Variants in WNT2B observed in about 807,000 individuals in gnomAD.
WNT2B encodes the protein protein Wnt-2b.
A neutral mutation model predicts 40.5 loss-of-function variants in WNT2B; 19 were observed. That is an observed-to-expected ratio of 0.47 (90% CI 0.33 to 0.69). The LOEUF is 0.69. Among genes scored for constraint, WNT2B ranks in the 30% least tolerant of loss-of-function variants. The probability of loss-of-function intolerance (pLI) is 0.02; values close to 1 mark genes in which losing one functional copy is unlikely to be tolerated. For synonymous variants in WNT2B, 220 were observed against 211.9 expected (o/e 1.04, Z -0.33); for missense variants, 467 against 556.4 (o/e 0.84, Z 1.62).
upstream of WNT2B, among the ~76,000 whole-genome samples, chr1:112,507,641 C>A (rs932158986): frequency 3.9e-5 from 6 of 152,210 alleles, no homozygotes. Context: ...TGCTTACACT[C>A]GGGAGGCACC....
intron 1 of WNT2B, among the ~76,000 whole-genome samples, chr1:112,495,788 C>T (rs1651745355): frequency 6.6e-6 from 1 of 152,132 alleles, no homozygotes; most frequent in African/African-American, 2.4e-5. Flanking sequence ...ACAGATTGGG[C>T]AGTTTATAAA....
rs1651193177 is a variant in WNT2B, at chr1:112,480,460, A to G, written c.-95+12869A>G. 1.3e-5 allele frequency among the ~76,000 whole-genome samples: 2 copies of G among 152,096 alleles called. 1 individual carries two copies. Among genetic ancestry groups the G allele is most frequent in the South Asian group, 4.2e-4 (2 of 4,818 alleles). Reference sequence around the variant, plus strand: ...ATTATGAACAATTACATGCCAACAAACAGGAACAAACAGGATCACCTAGAA... The same window carrying G: ...ATTATGAACAATTACATGCCAACAAGCAGGAACAAACAGGATCACCTAGAA... On this transcript the variant is annotated intron_variant, in intron 1 of 4. Coordinates refer to the WNT2B transcript ENST00000256640.
At chr1:112,519,768 C>T (rs1214021019) in intron 4 of WNT2B, among the ~76,000 whole-genome samples, 1 of 151,544 alleles carries the variant, frequency 6.6e-6, no homozygotes, top group East Asian at 1.9e-4. Flanking sequence ...TGCTTATTTT[C>T]ATATGAGAAA....
Position 112,473,090 on chromosome 1 carries a change from G to A in WNT2B, c.-95+5499G>A, listed in dbSNP as rs866338658. On this transcript the variant is annotated intron_variant, in intron 1 of 4. Coordinates refer to the WNT2B transcript ENST00000256640. The stretch of plus-strand genomic sequence containing the variant: ...GGAAGAAAAAGAAAGAAAGAAACAC[G>A]GAAGGAGGAAGGAAGGAAGGGAAAA... Among the ~76,000 whole-genome samples the A allele has an allele frequency of 2.2e-4, 18 of 82,080 alleles. No individual in the cohort carries two copies. In the South Asian group the frequency reaches 2.4e-3, roughly 11 times the overall value. 53.8% of individuals were successfully genotyped at this position (82,080 alleles called of 152,430 possible).
chr1:112,483,402 T>C (rs1651291655), intron 1 of WNT2B, among the ~76,000 whole-genome samples: 1 of 152,054 alleles, frequency 6.6e-6, no homozygotes, highest in Admixed American at 6.6e-5. Context: ...CTTGATAGTG[T>C]TGGAAAAACT....
At chr1:112,516,748 T>C (rs1652566014) in intron 3 of WNT2B, among the ~76,000 whole-genome samples, 1 of 152,236 alleles carries the variant, frequency 6.6e-6, no homozygotes, top group Non-Finnish European at 1.5e-5. Context: ...ACATCTTCTA[T>C]GTGCCTAGTA....
In WNT2B at chr1:112,521,469, G is replaced by T. The variant is rs1652878941; in HGVS notation, c.*960G>T. 6.6e-6 allele frequency: 1 copy of T among 152,162 alleles called. No individual in the cohort carries two copies. Among genetic ancestry groups the T allele is most frequent in the South Asian group, 2.1e-4 (1 of 4,822 alleles). 9.4% of individuals were successfully genotyped at this position (152,162 alleles called of 1,614,324 possible). A position where few individuals can be genotyped will look rare whatever the true frequency, so the allele number is the denominator to read the frequency against. On this transcript the variant is annotated 3_prime_UTR_variant, in exon 5 of 5. Coordinates refer to ENST00000369684, the MANE Select transcript of WNT2B (RefSeq NM_024494.3). ...GTCTGATCTCAAGGGCCCACATGAG[G>T]CATCAGTATATATTAGGCAGGTAGG...
At chr1:112,480,647 A>C (rs1004937172) in intron 1 of WNT2B, among the ~76,000 whole-genome samples, 1 of 152,172 alleles carries the variant, frequency 6.6e-6, no homozygotes, top group Non-Finnish European at 1.5e-5. Flanking sequence ...AATTCTACCA[A>C]GCATTTTAAA....
At position 112,526,328 on chromosome 1, in the gene WNT2B, T is replaced by C; in HGVS notation, c.*5819T>C. ...TTTAAACAACTCTGGCTCCTAATTC[T>C]ACTCCTTTTTTCCCCTTCAGATTAA... On this transcript the variant is annotated 3_prime_UTR_variant, in exon 5 of 5. Transcript: ENST00000369684. 2.1e-6 allele frequency: 1 copy of C among 476,338 alleles called. No individual in the cohort carries two copies. Among genetic ancestry groups the C allele is most frequent in the East Asian group, 3.2e-5 (1 of 31,688 alleles). The allele number at this position is 476,338 out of a possible 1,614,324, so 29.5% of individuals were successfully genotyped here.
In WNT2B at chr1:112,520,385, G is replaced by T. The variant is rs144189370; in HGVS notation, c.1052G>T (p.Arg351Leu). The T allele has an allele frequency of 3.1e-6, 5 of 1,614,004 alleles. No homozygotes were observed. Among genetic ancestry groups the T allele is most frequent in the Non-Finnish European group, 3.4e-6 (4 of 1,180,036 alleles). Residue 351 changes from arginine to leucine, a missense_variant, in exon 5 of 5, where the codon CGT (arginine) becomes CTT (leucine). Arg to Leu is a moderately radical substitution (Grantham distance 102). Coordinates refer to ENST00000369684, the MANE Select transcript of WNT2B (RefSeq NM_024494.3). ...GRGYDTTRVT[R>L]VTQCECKFHW... Reference sequence around the variant, plus strand: ...GGGTACGACACAACTCGAGTCACCCGTGTTACCCAGTGTGAGTGCAAATTC... The same window carrying T: ...GGGTACGACACAACTCGAGTCACCCTTGTTACCCAGTGTGAGTGCAAATTC...
exon 1 of WNT2B, chr1:112,467,492 C>T (rs756580794): frequency 2.6e-6 from 2 of 775,500 alleles, no homozygotes; most frequent in African/African-American, 3.4e-5. Context: ...AATCTGTTAA[C>T]ACTGCTGTCT....
chr1:112,499,078 C>A (rs989550464), intron 1 of WNT2B, among the ~76,000 whole-genome samples: 1 of 151,938 alleles, frequency 6.6e-6, no homozygotes, highest in African/African-American at 2.4e-5. Flanking sequence ...TGGTGGCGTG[C>A]GCCTGTAATC....
At chr1:112,506,311 C>T (rs2101078384), upstream of WNT2B, among the ~76,000 whole-genome samples, 1 of 152,318 alleles carries the variant, frequency 6.6e-6, no homozygotes, top group South Asian at 2.1e-4. Flanking sequence ...CAAAAACATG[C>T]TTTAATACTT....
chr1:112,474,428 G>A (rs182825619), intron 1 of WNT2B, among the ~76,000 whole-genome samples: 569 of 152,272 alleles, frequency 3.7e-3, no homozygotes, highest in African/African-American at 9.9e-3. Flanking sequence ...GATTACAGGC[G>A]TAAGCCACCA....
chr1:112,469,749 G>A (rs1004091309), intron 1 of WNT2B, among the ~76,000 whole-genome samples: 1 of 152,038 alleles, frequency 6.6e-6, no homozygotes, highest in Non-Finnish European at 1.5e-5. Flanking sequence ...GAGTAGCTGG[G>A]ATTACAGGCA....
Position 112,467,357 on chromosome 1 carries a change from C to T in WNT2B, c.-329C>T, listed in dbSNP as rs180818775. The T allele has an allele frequency of 1.4e-5, 8 of 582,646 alleles. No homozygotes were observed. In the African/African-American group the frequency reaches 1.5e-4, roughly 11 times the overall value. The allele number at this position is 582,646 out of a possible 1,614,324, so 36.1% of individuals were successfully genotyped here. A position where few individuals can be genotyped will look rare whatever the true frequency, so the allele number is the denominator to read the frequency against. Reference sequence around the variant, plus strand: ...TTGAGGAGCATCATGAGCACAGGCACATTTACCAAGAAGCTAATGAGGTTT... The same window carrying T: ...TTGAGGAGCATCATGAGCACAGGCATATTTACCAAGAAGCTAATGAGGTTT... On this transcript the variant is annotated 5_prime_UTR_variant, in exon 1 of 5. Transcript: ENST00000256640.
chr1:112,490,698 C>G (rs1489962103), intron 1 of WNT2B, among the ~76,000 whole-genome samples: 1 of 152,062 alleles, frequency 6.6e-6, no homozygotes, highest in Non-Finnish European at 1.5e-5. Context: ...ACCGTGTTAG[C>G]CAGGATGGTC....
rs768085453 is a variant in WNT2B, at chr1:112,509,271, A to G, written c.9A>G (p.Arg3=). The change falls in exon 1 of 5, where the codon AGA becomes AGG. Residue 3 remains arginine (R), a synonymous_variant. Transcript: ENST00000369684. The surrounding 1 kb of genome is among the most constrained non-coding windows in gnomAD (Gnocchi z 4.2). ML[R]PGGAEEAAQL... ...GGAGTCTTCGGGGAGCTATGCTGAGACCGGGTGGTGCGGAGGAAGCTGCGC... is the reference window on the plus strand; with the variant it reads ...GGAGTCTTCGGGGAGCTATGCTGAGGCCGGGTGGTGCGGAGGAAGCTGCGC... 3.9e-6 allele frequency: 6 copies of G among 1,531,290 alleles called. No homozygotes were observed. In the Admixed American group the frequency reaches 1.2e-4, roughly 31 times the overall value. 94.9% of individuals were successfully genotyped at this position (1,531,290 alleles called of 1,614,324 possible).
At chr1:112,510,173 AG>A (rs777176188) in intron 1 of WNT2B, among the ~76,000 whole-genome samples, 4 of 151,732 alleles carry the variant, frequency 2.6e-5, no homozygotes, top group South Asian at 2.1e-4. Context: ...TGCAGGCCCT[AG>A]ACTCCAGACA....
Sources: allele counts gnomAD v4.1 joint callset (sites outside exome capture counted in the v4.1 genomes callset), GRCh38; gene constraint gnomAD v4.1.1; non-coding constraint Gnocchi (gnomAD v3.1); transcripts MANE v1.5; gene names NCBI Gene and HGNC (gene_info 2026-07-23, HGNC 2026-07-21).